Variants in TCF12 observed in about 807,000 individuals in gnomAD.
TCF12 encodes DNA-binding protein HTF4.
Under a neutral mutation model 86.0 loss-of-function variants are expected in TCF12, and 45 were observed. The ratio of observed to expected loss-of-function variants is 0.52; its 90% CI spans 0.41 to 0.67. TCF12 has a LOEUF of 0.67. Among genes scored for constraint, TCF12 ranks in the 30% least tolerant of loss-of-function variants. The pLI is 0.00. For missense variants in TCF12, 881 were observed against 859.9 expected (o/e 1.02, Z -0.31); for synonymous variants, 330 against 299.6 (o/e 1.10, Z -1.05).
At chr15:57,178,617 C>T (rs963503371) in intron 6 of TCF12, among the ~76,000 whole-genome samples, 1 of 152,160 alleles carries the variant, frequency 6.6e-6, no homozygotes, top group Non-Finnish European at 1.5e-5. Flanking sequence ...ACACAGCTGG[C>T]TTCTTTGTAT....
intron 6 of TCF12, among the ~76,000 whole-genome samples, chr15:57,183,769 A>G (rs893771281): frequency 4.6e-5 from 7 of 152,148 alleles, no homozygotes; most frequent in Admixed American, 3.9e-4. Flanking sequence ...ACTTCCCCCA[A>G]CAACCTTGTG....
At chr15:57,104,661 C>T (rs775582849) in intron 5 of TCF12, among the ~76,000 whole-genome samples, 4 of 151,554 alleles carry the variant, frequency 2.6e-5, no homozygotes, top group Non-Finnish European at 5.9e-5. Flanking sequence ...GTCTCAGACT[C>T]CTGACCTCAG....
chr15:56,973,169 G>A (rs1287333148), intron 3 of TCF12, among the ~76,000 whole-genome samples: 4 of 151,904 alleles, frequency 2.6e-5, no homozygotes, highest in Non-Finnish European at 5.9e-5. Context: ...TTTCCCTCCC[G>A]CCTCCCTCCC....
At chr15:57,033,416 A>G (rs1028381452) in intron 3 of TCF12, among the ~76,000 whole-genome samples, 3 of 152,214 alleles carry the variant, frequency 2.0e-5, no homozygotes, top group Non-Finnish European at 4.4e-5. Context: ...ATTTTACAGT[A>G]GTTAAATCCT....
intron 5 of TCF12, among the ~76,000 whole-genome samples, chr15:57,114,709 A>G (rs191515256): frequency 2.2e-3 from 332 of 152,256 alleles, no homozygotes; most frequent in African/African-American, 7.4e-3. Flanking sequence ...ATTCCTCTCA[A>G]TTGTTTCTAA....
chr15:56,962,087 T>C lies in TCF12; in HGVS notation c.148+40989T>C, dbSNP rs1042531984. On this transcript the variant is annotated intron_variant, in intron 3 of 20. Coordinates refer to ENST00000333725, the MANE Select transcript of TCF12 (RefSeq NM_207037.2). ...GGCGGAGCTTGCAGTGAGCCGAGAC[T>C]GCGCCACTGTACTCCAGCCTGGGTG... Among the ~76,000 whole-genome samples, 22 of 142,240 alleles carry C rather than the reference T, an allele frequency of 1.5e-4. No individual in the cohort carries two copies. The South Asian group carries it at 3.3e-3, about 22-fold the overall frequency. The allele number at this position is 142,240 out of a possible 152,430, so 93.3% of individuals were successfully genotyped here.
In TCF12 at chr15:57,080,213, TA is replaced by T. The variant is rs1380702731; in HGVS notation, c.223-11574del. ...CTCTAAAAGTTAGGTTTTGTATATCTAATGTACTCACAGTTACACCTACCTC... is the reference window on the plus strand; with the variant it reads ...CTCTAAAAGTTAGGTTTTGTATATCTATGTACTCACAGTTACACCTACCTC... On this transcript the variant is annotated intron_variant, in intron 4 of 20. Transcript: ENST00000333725. 3.3e-5 allele frequency among the ~76,000 whole-genome samples: 5 copies of T among 152,358 alleles called. No homozygotes were observed. In the East Asian group the frequency reaches 5.8e-4, roughly 18 times the overall value.
At chr15:57,007,539 A>G (rs745340462) in intron 3 of TCF12, among the ~76,000 whole-genome samples, 1 of 152,204 alleles carries the variant, frequency 6.6e-6, no homozygotes, top group African/African-American at 2.4e-5. Context: ...CCTGCCATAA[A>G]CTGTTAATAT....
At chr15:57,152,448 A>G (rs1388028202) in intron 5 of TCF12, among the ~76,000 whole-genome samples, 2 of 152,190 alleles carry the variant, frequency 1.3e-5, no homozygotes, top group African/African-American at 4.8e-5. Flanking sequence ...TGGCTAAGAT[A>G]TTGAAAGGAT....
chr15:57,160,159 G>T (rs1310094736), intron 5 of TCF12, among the ~76,000 whole-genome samples: 2 of 152,192 alleles, frequency 1.3e-5, no homozygotes, highest in African/African-American at 4.8e-5. Context: ...CTCTGAGGTT[G>T]CTAATGAAGA....
At chr15:57,030,562 A>C (rs1210221305) in intron 3 of TCF12, among the ~76,000 whole-genome samples, 2 of 152,026 alleles carry the variant, frequency 1.3e-5, no homozygotes, top group Admixed American at 6.6e-5. Flanking sequence ...TTTGTTTCTT[A>C]TTTTGAAAGT....
At chr15:57,237,361 T>G (rs947001837) in intron 12 of TCF12, among the ~76,000 whole-genome samples, 3 of 152,280 alleles carry the variant, frequency 2.0e-5, no homozygotes. Flanking sequence ...GGGCTCACAG[T>G]TCCGGGGTTG....
intron 4 of TCF12, among the ~76,000 whole-genome samples, chr15:57,066,069 C>T (rs765077933): frequency 6.6e-5 from 10 of 152,094 alleles, no homozygotes; most frequent in Non-Finnish European, 1.3e-4. Flanking sequence ...TTTTTCGTAT[C>T]ATTTTCAAAC....
chr15:56,929,574 C>T (rs550113801), intron 3 of TCF12, among the ~76,000 whole-genome samples: 77 of 152,062 alleles, frequency 5.1e-4, no homozygotes, highest in African/African-American at 1.8e-3. Context: ...GTCATCCAAG[C>T]TACTGTAAGC....
At chr15:57,221,581 A>G (rs1372213448) in intron 8 of TCF12, among the ~76,000 whole-genome samples, 3 of 151,986 alleles carry the variant, frequency 2.0e-5, no homozygotes, top group African/African-American at 7.2e-5. Context: ...TTCCAGGCTT[A>G]TGGTAGATGG....
intron 3 of TCF12, among the ~76,000 whole-genome samples, chr15:57,049,837 C>T (rs1366142048): frequency 6.6e-6 from 1 of 152,128 alleles, no homozygotes; most frequent in African/African-American, 2.4e-5. Context: ...AATTCTTGTT[C>T]TAATTGATAT....
chr15:57,188,865 G>A (rs1384083707), intron 6 of TCF12, among the ~76,000 whole-genome samples: 1 of 152,216 alleles, frequency 6.6e-6, no homozygotes, highest in Non-Finnish European at 1.5e-5. Context: ...CATAGTTCAT[G>A]CAGCCTTAAC....
At chr15:57,136,964 T>G (rs1316311211) in intron 5 of TCF12, among the ~76,000 whole-genome samples, 8 of 15,996 alleles carry the variant, frequency 5.0e-4, no homozygotes, top group Non-Finnish European at 1.0e-3. Context: ...GGCAGTTTTT[T>G]TTTTTGTTTT....
intron 7 of TCF12, 55 bp from the exon 8 acceptor site, chr15:57,197,716 GTC>G: frequency 6.3e-7 from 1 of 1,579,698 alleles, no homozygotes; most frequent in East Asian, 2.2e-5. Context: ...TTAATTTGAA[GTC>G]TTGATTTTTT....
Sources: gnomAD v4.1 joint callset for allele counts (sites outside exome capture counted in the v4.1 genomes callset) on GRCh38, gnomAD v4.1.1 for gene constraint, MANE v1.5 for transcripts, NCBI Gene and HGNC (gene_info 2026-07-23, HGNC 2026-07-21) for gene names.